The following APPL2 variants were observed in gnomAD, a reference collection of about 807,000 sequenced individuals.
The protein encoded by APPL2 is DCC-interacting protein 13-beta.
A neutral mutation model predicts 92.7 loss-of-function variants in APPL2; 84 were observed. The observed-to-expected ratio is 0.91, with a 90% confidence interval of 0.76 to 1.09. APPL2 has a LOEUF of 1.09. Ranked by LOEUF, APPL2 falls within the 50% of genes least tolerant of loss-of-function variation. The pLI, the probability that APPL2 is intolerant of heterozygous loss-of-function variation, is 0.00. For synonymous variants in APPL2, 291 were observed against 291.0 expected (o/e 1.00, Z 0.00); for missense variants, 736 against 824.5 (o/e 0.89, Z 1.31).
chr12:105,192,448 C>T (rs573133761), intron 14 of APPL2, among the ~76,000 whole-genome samples: 7 of 152,202 alleles, frequency 4.6e-5, no homozygotes, highest in South Asian at 4.1e-4. Flanking sequence ...CCTTCTTGAT[C>T]GACCCCTGCC....
Position 105,183,432 on chromosome 12 carries a change from G to C in APPL2, c.1634+4841C>G, listed in dbSNP as rs552197482. On this transcript the variant is annotated intron_variant, in intron 17 of 20. Transcript: ENST00000258530. ...TCCATATTTAGTGCTTCCTTCAGGA[G>C]CTCTTGTAAAGCAGGTGTGGTGGTG... 4.7e-4 allele frequency among the ~76,000 whole-genome samples: 71 copies of C among 152,272 alleles called. 1 individual carries two copies. Among genetic ancestry groups the C allele is most frequent in the African/African-American group, 1.7e-3 (71 of 41,550 alleles).
intron 2 of APPL2, among the ~76,000 whole-genome samples, chr12:105,227,115 T>C (rs1188333494): frequency 7.2e-6 from 1 of 138,676 alleles, no homozygotes; most frequent in Admixed American, 7.4e-5. Context: ...AGTAAGACCC[T>C]GTCTCTGAAA....
At chr12:105,202,161 T>G (rs1374810854) in intron 9 of APPL2, among the ~76,000 whole-genome samples, 1 of 152,198 alleles carries the variant, frequency 6.6e-6, no homozygotes, top group East Asian at 1.9e-4. Flanking sequence ...GGAAACCCCA[T>G]CAGCTGCCTG....
chr12:105,221,648 T>C (rs1314437844), intron 2 of APPL2, among the ~76,000 whole-genome samples: 1 of 152,192 alleles, frequency 6.6e-6, no homozygotes, highest in Non-Finnish European at 1.5e-5. Context: ...GAATTCTCAA[T>C]GGAGTTCCAT....
At position 105,186,627 on chromosome 12, in the gene APPL2, CAT is replaced by C. The variant is rs369194401; in HGVS notation, c.1634+1644_1634+1645del. Among the ~76,000 whole-genome samples the C allele has an allele frequency of 6.8e-3, 682 of 100,254 alleles. 10 individuals carry two copies. The highest frequency in any genetic ancestry group is 0.031 in the African/African-American group (622 of 19,804). 65.8% of individuals were successfully genotyped at this position (100,254 alleles called of 152,430 possible). A position where few individuals can be genotyped will look rare whatever the true frequency, so the allele number is the denominator to read the frequency against. ...TTAAATATATATATCATATATATAT[CAT>C]ATATATCATATATATGATATCGATA... is the stretch of plus-strand genomic sequence containing the variant. On this transcript the variant is annotated intron_variant, in intron 17 of 20. Transcript: ENST00000258530.
At chr12:105,184,792 G>A (rs897306170) in intron 17 of APPL2, among the ~76,000 whole-genome samples, 3 of 152,248 alleles carry the variant, frequency 2.0e-5, no homozygotes, top group Non-Finnish European at 2.9e-5. Flanking sequence ...TGTGCTGGGA[G>A]ACCTGCTGCT....
intron 6 of APPL2, 36 bp from the exon 7 acceptor site, chr12:105,208,065 T>C: frequency 6.2e-7 from 1 of 1,613,166 alleles, no homozygotes; most frequent in South Asian, 1.1e-5. Flanking sequence ...CCCAGGAGGG[T>C]CAGGGTCGAA....
chr12:105,212,718 T>C (rs537371908), intron 4 of APPL2, among the ~76,000 whole-genome samples: 1 of 152,384 alleles, frequency 6.6e-6, no homozygotes, highest in Admixed American at 6.5e-5. Context: ...GGATTCAACA[T>C]GTGGCAAAGT....
At chr12:105,228,147 A>C (rs928790012) in intron 2 of APPL2, among the ~76,000 whole-genome samples, 9 of 152,186 alleles carry the variant, frequency 5.9e-5, no homozygotes, top group African/African-American at 2.2e-4. Context: ...ATAAGAAATG[A>C]CTATATATAT....
At position 105,188,316 on chromosome 12, in the gene APPL2, G is replaced by A. The variant is rs757933124; in HGVS notation, c.1591C>T (p.Arg531Cys). 57 of 1,614,026 alleles carry A rather than the reference G, an allele frequency of 3.5e-5. No homozygotes were observed. The highest frequency in any genetic ancestry group is 1.9e-4 in the South Asian group (17 of 91,084). The change falls in exon 17 of 21, where the codon CGC (arginine) becomes TGC (cysteine). Residue 531 changes from arginine to cysteine, a missense_variant. Arg to Cys is a radical substitution (Grantham distance 180). Transcript: ENST00000258530. ...ACCATCAGATGGGATTCTGTCATGC[G>A]GAAGATGTTATGAATAGCCCGAGCA... is the stretch of plus-strand genomic sequence containing the variant. ...LAARAIHNIF[R>C]MTESHLMVTS...
At chr12:105,225,651 C>T (rs1020769394) in intron 2 of APPL2, among the ~76,000 whole-genome samples, 1 of 152,222 alleles carries the variant, frequency 6.6e-6, no homozygotes, top group African/African-American at 2.4e-5. Context: ...TACACTACTA[C>T]TTTCATTCAA....
intron 17 of APPL2, among the ~76,000 whole-genome samples, chr12:105,186,976 G>T (rs1886790144): frequency 6.6e-6 from 1 of 151,880 alleles, no homozygotes. Flanking sequence ...TATATTTTGT[G>T]TACTACATCC....
At chr12:105,217,291 C>G in intron 3 of APPL2, 151 bp from the exon 4 acceptor site, 1 of 600,420 alleles carries the variant, frequency 1.7e-6, no homozygotes, top group Non-Finnish European at 2.9e-6. Context: ...GAGGGAGTCA[C>G]AGCTATCCCC....
In APPL2 at chr12:105,195,590, C is replaced by T; in HGVS notation, c.1090G>A (p.Glu364Lys). ...ATGACAAACAAAATTTTTACCTCTT[C>T]ATTTTCCTTTCTGCTCTCAGCCTGG... Reference protein sequence around the residue: ...ILQAESRKENEEWICAINNIS... With the variant: ...ILQAESRKENKEWICAINNIS... Residue 364 changes from glutamate to lysine, a missense_variant, in exon 12 of 21, where the codon GAA becomes AAA. Transcript: ENST00000258530. 1.9e-6 allele frequency: 3 copies of T among 1,614,228 alleles called. No homozygotes were observed. The highest frequency in any genetic ancestry group is 2.5e-6 in the Non-Finnish European group (3 of 1,180,042).
intron 2 of APPL2, among the ~76,000 whole-genome samples, chr12:105,219,041 G>T (rs539638031): frequency 6.6e-6 from 1 of 152,316 alleles, no homozygotes; most frequent in South Asian, 2.1e-4. Flanking sequence ...AAGATTCAGG[G>T]TTTATTCCTA....
intron 5 of APPL2, among the ~76,000 whole-genome samples, chr12:105,210,967 C>T (rs1889161738): frequency 6.6e-6 from 1 of 152,168 alleles, no homozygotes; most frequent in South Asian, 2.1e-4. Context: ...GCTGTTTCTA[C>T]TCCTGTGCGT....
intron 9 of APPL2, among the ~76,000 whole-genome samples, chr12:105,202,815 T>A (rs1178613170): frequency 1.3e-5 from 2 of 152,294 alleles, no homozygotes; most frequent in South Asian, 2.1e-4. Flanking sequence ...GTCTCAATGC[T>A]CAGCACTGGT....
At chr12:105,218,639 T>C (rs1174312869) in intron 2 of APPL2, among the ~76,000 whole-genome samples, 1 of 152,136 alleles carries the variant, frequency 6.6e-6, no homozygotes, top group African/African-American at 2.4e-5. Flanking sequence ...TTGGAGGTGA[T>C]ATCAGGCTGG....
intron 17 of APPL2, among the ~76,000 whole-genome samples, chr12:105,183,615 C>T (rs1275356171): frequency 1.3e-5 from 2 of 152,188 alleles, no homozygotes; most frequent in Non-Finnish European, 2.9e-5. Context: ...AGCGTTTCTG[C>T]AGAGAGATCC....
Sources: allele counts gnomAD v4.1 joint callset (sites outside exome capture counted in the v4.1 genomes callset), GRCh38; gene constraint gnomAD v4.1.1; transcripts MANE v1.5; gene names NCBI Gene and HGNC (gene_info 2026-07-23, HGNC 2026-07-21).